Variants in CADPS observed in about 807,000 individuals in gnomAD.
CADPS encodes calcium-dependent secretion activator 1.
In CADPS, 57 loss-of-function variants were observed where a neutral mutation model predicts 167.3. The ratio of observed to expected loss-of-function variants is 0.34; its 90% CI spans 0.28 to 0.42. CADPS has a LOEUF of 0.42. Ranked by LOEUF, CADPS falls within the 20% of genes least tolerant of loss-of-function variation. CADPS has a pLI of 1.00. For missense variants in CADPS, 1,414 were observed against 1,738.1 expected (o/e 0.81, Z 3.32); for synonymous variants, 676 against 635.3 (o/e 1.06, Z -0.96).
intron 7 of CADPS, among the ~76,000 whole-genome samples, chr3:62,585,761 C>T (rs372548263): frequency 2.0e-5 from 3 of 152,170 alleles, no homozygotes; most frequent in Non-Finnish European, 4.4e-5. Context: ...TTCCTCAAGG[C>T]CCCCAGGGGA....
chr3:62,740,346 C>A lies in CADPS; in HGVS notation c.888+13095G>T, dbSNP rs77744361. On this transcript the variant is annotated intron_variant, in intron 3 of 29. Coordinates refer to ENST00000383710, the MANE Select transcript of CADPS (RefSeq NM_003716.4). ...GCTGACGGCCCACTCACAAAGCAAG[C>A]ATGATGGCTGGTACCAAAGTTAAGG... 4.1e-4 allele frequency among the ~76,000 whole-genome samples: 63 copies of A among 152,312 alleles called. No individual in the cohort carries two copies. In the East Asian group the frequency reaches 0.012, roughly 28 times the overall value.
intron 4 of CADPS, among the ~76,000 whole-genome samples, chr3:62,657,211 G>T (rs1248139630): frequency 6.6e-6 from 1 of 152,126 alleles, no homozygotes; most frequent in East Asian, 1.9e-4. Context: ...ATTTCTTACT[G>T]ATATTTGCAA....
rs961602402 is a variant in CADPS, at chr3:62,420,894, A to G, written c.3777+17210T>C. 7.2e-4 allele frequency among the ~76,000 whole-genome samples: 93 copies of G among 128,840 alleles called. 1 individual carries two copies. Among genetic ancestry groups the G allele is most frequent in the South Asian group, 1.5e-3 (6 of 4,022 alleles). The allele number at this position is 128,840 out of a possible 152,430, so 84.5% of individuals were successfully genotyped here. On this transcript the variant is annotated intron_variant, in intron 28 of 29. Transcript: ENST00000383710. This position sits in a 1 kb window ranked among gnomAD's most constrained non-coding sequence, Gnocchi z 4.1. ...CACACACACACACACACACACACAC[A>G]CACACACAGGCACACACACACACAC... is the stretch of plus-strand genomic sequence containing the variant.
intron 1 of CADPS, among the ~76,000 whole-genome samples, chr3:62,864,147 A>G (rs2081289103): frequency 6.6e-6 from 1 of 152,194 alleles, no homozygotes; most frequent in Admixed American, 6.5e-5. Flanking sequence ...TAATGAGTTG[A>G]TTTACATTCT....
chr3:62,521,301 T>G (rs2070519999), intron 13 of CADPS, among the ~76,000 whole-genome samples: 1 of 152,122 alleles, frequency 6.6e-6, no homozygotes, highest in African/African-American at 2.4e-5. Flanking sequence ...TCTCTTAGGT[T>G]GGAGTGGATT....
At chr3:62,592,117 C>T (rs1311849583) in intron 7 of CADPS, among the ~76,000 whole-genome samples, 1 of 152,140 alleles carries the variant, frequency 6.6e-6, no homozygotes, top group Non-Finnish European at 1.5e-5. Context: ...AGCATACATC[C>T]ACACCCCACA....
chr3:62,524,683 G>A (rs773294917), intron 13 of CADPS, among the ~76,000 whole-genome samples: 2 of 152,138 alleles, frequency 1.3e-5, no homozygotes, highest in South Asian at 4.1e-4. Context: ...GAAAGTCGTG[G>A]AGAAGTCTCT....
intron 27 of CADPS, chr3:62,439,286 T>C (rs2055806944): frequency 6.6e-6 from 1 of 152,078 alleles, no homozygotes; most frequent in African/African-American, 2.4e-5. Flanking sequence ...AGGGTGAAAA[T>C]GAGGAAGGTT....
intron 3 of CADPS, among the ~76,000 whole-genome samples, chr3:62,720,815 T>TG (rs1310625840): frequency 7.8e-6 from 1 of 128,340 alleles, no homozygotes; most frequent in Admixed American, 8.2e-5. Flanking sequence ...ATTGTTAGTT[T>TG]TTTTTTTTTT....
chr3:62,524,245 G>C (rs1002505278), intron 13 of CADPS, among the ~76,000 whole-genome samples: 1 of 152,128 alleles, frequency 6.6e-6, no homozygotes, highest in African/African-American at 2.4e-5. Flanking sequence ...CTCAAAAGGA[G>C]ATATCCCTGC....
At chr3:62,851,002 T>G (rs891223917) in intron 1 of CADPS, among the ~76,000 whole-genome samples, 2 of 145,232 alleles carry the variant, frequency 1.4e-5, no homozygotes, top group East Asian at 4.1e-4. Flanking sequence ...CTCCTCTTGT[T>G]GAATTGATCC....
intron 3 of CADPS, among the ~76,000 whole-genome samples, chr3:62,698,757 T>TTC (rs1554088701): frequency 0.35 from 27,980 of 79,102 alleles, 7,632 homozygotes; most frequent in East Asian, 0.78. Flanking sequence ...TTTTTTTTTT[T>TTC]CAGACAGGGT....
chr3:62,670,152 C>T (rs2075258221), intron 3 of CADPS, among the ~76,000 whole-genome samples: 1 of 152,146 alleles, frequency 6.6e-6, no homozygotes, highest in Non-Finnish European at 1.5e-5. Flanking sequence ...AAAATAACCT[C>T]AAAGGACTAT....
chr3:62,789,715 A>C (rs1451237689), intron 1 of CADPS, among the ~76,000 whole-genome samples: 1 of 152,202 alleles, frequency 6.6e-6, no homozygotes, highest in Non-Finnish European at 1.5e-5. Context: ...CAGAAGTTTT[A>C]TGTTTATTCT....
At chr3:62,783,156 G>A (rs962586070) in intron 1 of CADPS, among the ~76,000 whole-genome samples, 6 of 152,090 alleles carry the variant, frequency 3.9e-5, no homozygotes, top group African/African-American at 1.4e-4. Flanking sequence ...GGCTTTACTC[G>A]CACAAAGGTG....
At chr3:62,562,648 T>A (rs1326707795) in intron 9 of CADPS, among the ~76,000 whole-genome samples, 2 of 152,184 alleles carry the variant, frequency 1.3e-5, no homozygotes, top group African/African-American at 4.8e-5. Flanking sequence ...TGTGGGGGCA[T>A]TTCTTATGTG....
chr3:62,769,700 G>T (rs2088015152), intron 1 of CADPS, among the ~76,000 whole-genome samples: 1 of 152,142 alleles, frequency 6.6e-6, no homozygotes, highest in African/African-American at 2.4e-5. Context: ...ATGGGTGCAT[G>T]TTTTATGTGG....
At chr3:62,404,658 C>T (rs963051243) in intron 28 of CADPS, 4 of 152,022 alleles carry the variant, frequency 2.6e-5, no homozygotes, top group African/African-American at 9.7e-5. Flanking sequence ...CTACCCCAAT[C>T]GAGGCAGCAC....
chr3:62,637,953 A>T (rs2066624216), intron 6 of CADPS, among the ~76,000 whole-genome samples: 2 of 152,016 alleles, frequency 1.3e-5, no homozygotes, highest in Non-Finnish European at 2.9e-5. Context: ...AACGTTAATG[A>T]TCACTGTTTT....
Sources: gnomAD v4.1 joint callset for allele counts (sites outside exome capture counted in the v4.1 genomes callset) on GRCh38, gnomAD v4.1.1 for gene constraint, Gnocchi (gnomAD v3.1) non-coding constraint, MANE v1.5 for transcripts, NCBI Gene and HGNC (gene_info 2026-07-23, HGNC 2026-07-21) for gene names.